VWF: variants seen among roughly 807,000 people sequenced by gnomAD.
VWF encodes the protein Factor VIII related antigen.
Under a neutral mutation model 308.6 loss-of-function variants are expected in VWF, and 176 were observed. The ratio of observed to expected loss-of-function variants is 0.57; its 90% CI spans 0.50 to 0.65. The LOEUF (loss-of-function observed/expected upper bound fraction) is 0.65, where lower values mean the gene tolerates loss of function less well. VWF is among the 30% of genes least tolerant of loss of function. The pLI is 0.00. For synonymous variants in VWF, 1,385 were observed against 1,443.4 expected (o/e 0.96, Z 0.92); for missense variants, 3,146 against 3,648.2 (o/e 0.86, Z 3.55).
chr12:6,032,958 G>A (rs988229314), intron 20 of VWF, among the ~76,000 whole-genome samples: 1 of 150,228 alleles, frequency 6.7e-6, no homozygotes, highest in Non-Finnish European at 1.5e-5. Context: ...ATACACCCAT[G>A]TACTCATACA....
intron 47 of VWF, among the ~76,000 whole-genome samples, chr12:5,962,200 T>C (rs1388174287): frequency 6.6e-6 from 1 of 152,178 alleles, no homozygotes; most frequent in East Asian, 1.9e-4. Context: ...AAGACCTAAA[T>C]AATCGAAGAG....
chr12:6,122,627 T>C (rs1591931273), intron 2 of VWF: 1 of 399,848 alleles, frequency 2.5e-6, no homozygotes, highest in East Asian at 6.1e-5. Flanking sequence ...AAAAGTCCCC[T>C]CCCGCCATTT....
chr12:6,053,748 T>C (rs1334167008), intron 15 of VWF, among the ~76,000 whole-genome samples: 2 of 152,354 alleles, frequency 1.3e-5, no homozygotes, highest in East Asian at 3.9e-4. Context: ...GAAGGTTGAA[T>C]GAGCTAACAC....
intron 34 of VWF, among the ~76,000 whole-genome samples, chr12:5,999,172 G>C (rs1406639534): frequency 1.3e-5 from 2 of 152,216 alleles, no homozygotes; most frequent in Non-Finnish European, 2.9e-5. Flanking sequence ...AGAGAAGAGA[G>C]TGGGCAGCAA....
intron 51 of VWF, among the ~76,000 whole-genome samples, chr12:5,949,414 AC>A (rs1943153322): frequency 6.6e-6 from 1 of 151,592 alleles, no homozygotes. Context: ...TCATACCCAC[AC>A]CCCTCTAGCT....
intron 38 of VWF, 26 bp downstream of exon 38, chr12:5,991,793 G>A: frequency 3.7e-6 from 6 of 1,612,110 alleles, no homozygotes; most frequent in African/African-American, 1.3e-5. Context: ...GCAGCCCCAT[G>A]GGAAGTGAAA....
intron 47 of VWF, among the ~76,000 whole-genome samples, chr12:5,960,183 T>A (rs1380971794): frequency 6.6e-6 from 1 of 151,106 alleles, no homozygotes; most frequent in African/African-American, 2.4e-5. Context: ...AATAGAAGGT[T>A]TACAACTACA....
In VWF at chr12:6,110,934, G is replaced by T. The variant is rs369017115; in HGVS notation, c.255C>A (p.Ser85=). ...DFQNGKRVSL[S]VYLGEFFDIH... The stretch of plus-strand genomic sequence containing the variant: ...TGTCAAAAAATTCCCCAAGATACAC[G>T]GAGAGGCTCACTCTCTTGCCATTCT... Residue 85 remains serine (S), a synonymous_variant, in exon 4 of 52, where the codon TCC becomes TCA. Transcript: ENST00000261405. The T allele has an allele frequency of 3.1e-6, 5 of 1,614,046 alleles. No homozygotes were observed. The East Asian group carries it at 1.1e-4, about 36-fold the overall frequency.
intron 38 of VWF, among the ~76,000 whole-genome samples, chr12:5,990,773 G>A (rs1025951486): frequency 6.7e-6 from 1 of 148,976 alleles, no homozygotes; most frequent in Non-Finnish European, 1.5e-5. Flanking sequence ...ATATACACGG[G>A]GTCAACTTTG....
At chr12:6,006,354 C>T (rs1377327004) in intron 34 of VWF, among the ~76,000 whole-genome samples, 1 of 152,128 alleles carries the variant, frequency 6.6e-6, no homozygotes, top group Non-Finnish European at 1.5e-5. Context: ...GACAAAAAAG[C>T]TACAAGACTG....
In VWF at chr12:5,996,220, C is replaced by T. The variant is rs374459416; in HGVS notation, c.5845G>A (p.Val1949Met). ...TGCCGAGTGGAGCTGCCTGTGCACA[C>T]GCCTGGACAGAGAGAAGCAGAGGAT... ...TCGCRWTCPC[V>M]CTGSSTRHIV... The change falls in exon 35 of 52, where the codon GTG (valine) becomes ATG (methionine). Residue 1949 changes from valine to methionine, a missense_variant and splice_region_variant. By Grantham distance (21) the Val-to-Met change is conservative. Around this residue, in one of 3 missense-constraint regions of VWF, gnomAD observed 989 missense variants for 1,117.4 expected, o/e 0.89. Transcript: ENST00000261405. The T allele has an allele frequency of 2.1e-5, 34 of 1,611,268 alleles. 1 individual carries two copies. In the South Asian group the frequency reaches 2.3e-4, roughly 11 times the overall value.
chr12:6,092,513 G>GTT (rs71450117), intron 6 of VWF, among the ~76,000 whole-genome samples: 10 of 80,304 alleles, frequency 1.2e-4, no homozygotes, highest in Admixed American at 4.6e-4. Flanking sequence ...GCTAGTATGT[G>GTT]TTTGTCTGTG....
At chr12:5,993,819 T>A in intron 37 of VWF, 43 bp downstream of exon 37, 1 of 1,592,062 alleles carries the variant, frequency 6.3e-7, no homozygotes, top group Non-Finnish European at 8.6e-7. Context: ...GCAAGCCCAG[T>A]TAGCTGGTCT....
chr12:5,961,962 TAA>T (rs35115059), intron 47 of VWF, among the ~76,000 whole-genome samples: 3 of 145,490 alleles, frequency 2.1e-5, no homozygotes, highest in Admixed American at 6.9e-5. Flanking sequence ...TGCTGTTATT[TAA>T]AAAAAAAAAA....
At chr12:6,076,868 A>G (rs2136476390) in intron 6 of VWF, among the ~76,000 whole-genome samples, 1 of 152,326 alleles carries the variant, frequency 6.6e-6, no homozygotes, top group African/African-American at 2.4e-5. Context: ...GCCCACAGGA[A>G]TAGAAACCTG....
At chr12:6,110,729 C>G (rs1425670626) in intron 4 of VWF, 137 bp downstream of exon 4, 2 of 1,280,634 alleles carry the variant, frequency 1.6e-6, no homozygotes, top group Admixed American at 1.7e-5. Context: ...GGAGAGCTGG[C>G]TCTCACCCAG....
chr12:5,981,272 T>TA (rs1459215797), intron 42 of VWF, among the ~76,000 whole-genome samples: 1 of 152,012 alleles, frequency 6.6e-6, no homozygotes, highest in Non-Finnish European at 1.5e-5. Context: ...TGTGCACTTG[T>TA]AATCTCACCT....
At chr12:6,095,304 T>C in intron 6 of VWF, 156 bp downstream of exon 6, 1 of 1,192,728 alleles carries the variant, frequency 8.4e-7, no homozygotes, top group Non-Finnish European at 1.2e-6. Flanking sequence ...TCGAGATGTA[T>C]TAGAATTAGA....
Position 6,107,668 on chromosome 12 carries a change from A to AT in VWF, c.532+2705dup, listed in dbSNP as rs1197886692. Among the ~76,000 whole-genome samples, 513 of 151,594 alleles carry AT rather than the reference A, an allele frequency of 3.4e-3. 4 individuals carry two copies. The highest frequency in any genetic ancestry group is 6.9e-3 in the Middle Eastern group (2 of 288). On this transcript the variant is annotated intron_variant, in intron 5 of 51. Coordinates refer to ENST00000261405, the MANE Select transcript of VWF (RefSeq NM_000552.5). Reference sequence around the variant, plus strand: ...AGAAAGATTCAATATATATATATATATATTTTTTGAGACGGAGTCTCACTC... The same window carrying AT: ...AGAAAGATTCAATATATATATATATATTATTTTTTGAGACGGAGTCTCACTC...
Sources: gnomAD v4.1 joint callset for allele counts (sites outside exome capture counted in the v4.1 genomes callset) on GRCh38, gnomAD v4.1.1 for gene constraint, gnomAD v4.1.1 regional missense constraint, MANE v1.5 for transcripts, NCBI Gene and HGNC (gene_info 2026-07-23, HGNC 2026-07-21) for gene names.